The following MCC variants were observed in gnomAD, a reference collection of about 807,000 sequenced individuals.
MCC encodes colorectal mutant cancer protein.
Under a neutral mutation model 116.2 loss-of-function variants are expected in MCC, and 90 were observed. The ratio of observed to expected loss-of-function variants is 0.77; its 90% confidence interval spans 0.65 to 0.92. MCC has a LOEUF of 0.92. MCC is among the 40% of genes least tolerant of loss of function. The pLI is 0.00. For synonymous variants in MCC, 578 were observed against 510.5 expected (o/e 1.13, Z -1.78); for missense variants, 1,516 against 1,312.2 (o/e 1.16, Z -2.40).
At chr5:113,224,713 AG>A (rs1763670737) in intron 3 of MCC, among the ~76,000 whole-genome samples, 1 of 152,238 alleles carries the variant, frequency 6.6e-6, no homozygotes, top group Non-Finnish European at 1.5e-5. Flanking sequence ...GGTCAGGAAA[AG>A]GACTTTCCTG....
intron 4 of MCC, among the ~76,000 whole-genome samples, chr5:113,150,372 G>A (rs1759780570): frequency 6.6e-6 from 1 of 151,920 alleles, no homozygotes; most frequent in Non-Finnish European, 1.5e-5. Context: ...CAAAACAAGG[G>A]CAGAACATCC....
At chr5:113,069,285 T>C (rs1753856410) in intron 12 of MCC, among the ~76,000 whole-genome samples, 1 of 152,188 alleles carries the variant, frequency 6.6e-6, no homozygotes, top group Admixed American at 6.5e-5. Flanking sequence ...GAGTTTGAGT[T>C]TGGATTTCTA....
intron 3 of MCC, among the ~76,000 whole-genome samples, chr5:113,265,613 C>T (rs1481653695): frequency 6.6e-6 from 1 of 152,166 alleles, no homozygotes; most frequent in Non-Finnish European, 1.5e-5. Context: ...GAACACACCC[C>T]CTTTTCATTT....
intron 1 of MCC, among the ~76,000 whole-genome samples, chr5:113,432,083 C>T (rs1770669713): frequency 2.0e-5 from 3 of 151,938 alleles, no homozygotes; most frequent in Admixed American, 1.3e-4. Context: ...TTTTGGTGAG[C>T]CAAGATCGTG....
intron 3 of MCC, among the ~76,000 whole-genome samples, chr5:113,334,568 C>A (rs1581407421): frequency 6.9e-6 from 1 of 144,588 alleles, no homozygotes; most frequent in East Asian, 2.0e-4. Flanking sequence ...TTGGAAGTGA[C>A]AATTCAAGGT....
chr5:113,309,636 G>A (rs559536046), intron 3 of MCC, among the ~76,000 whole-genome samples: 19 of 152,116 alleles, frequency 1.2e-4, no homozygotes, highest in South Asian at 6.2e-4. Context: ...CTGTTGATGC[G>A]CACTTAGGTT....
chr5:113,043,776 A>G, intron 16 of MCC, 146 bp from the exon 17 acceptor site: 1 of 608,808 alleles, frequency 1.6e-6, no homozygotes, highest in Admixed American at 2.9e-5. Context: ...CCAAAGGGGA[A>G]AGCCTGGCAG....
chr5:113,235,350 C>G (rs999310527), intron 3 of MCC, among the ~76,000 whole-genome samples: 3 of 152,202 alleles, frequency 2.0e-5, no homozygotes, highest in Non-Finnish European at 4.4e-5. Context: ...ATCAAACACA[C>G]ATACATTCCA....
intron 3 of MCC, among the ~76,000 whole-genome samples, chr5:113,231,551 T>C (rs1763941496): frequency 6.6e-6 from 1 of 152,192 alleles, no homozygotes; most frequent in African/African-American, 2.4e-5. Context: ...CTGTCTCCCA[T>C]GTTCACTTTG....
chr5:113,257,318 A>C (rs897464248), intron 3 of MCC, among the ~76,000 whole-genome samples: 3 of 152,104 alleles, frequency 2.0e-5, no homozygotes, highest in African/African-American at 7.2e-5. Context: ...ACCTCTAGAG[A>C]GTACAAGGAA....
intron 2 of MCC, among the ~76,000 whole-genome samples, chr5:113,362,007 T>C (rs1768560931): frequency 6.6e-6 from 1 of 152,164 alleles, no homozygotes; most frequent in South Asian, 2.1e-4. Context: ...AGATGGCATA[T>C]TGTGGGGCTT....
intron 1 of MCC, among the ~76,000 whole-genome samples, chr5:113,464,620 A>C (rs1279459886): frequency 1.3e-5 from 2 of 150,036 alleles, no homozygotes; most frequent in Non-Finnish European, 3.0e-5. Flanking sequence ...GTTTTTGTTT[A>C]TTTATCTCAC....
intron 4 of MCC, among the ~76,000 whole-genome samples, chr5:113,147,276 A>G (rs1488400379): frequency 1.3e-5 from 2 of 152,190 alleles, no homozygotes; most frequent in Non-Finnish European, 2.9e-5. Flanking sequence ...CATCCCTGCT[A>G]TGGTGCAATC....
intron 2 of MCC, among the ~76,000 whole-genome samples, chr5:113,361,670 G>A (rs908233842): frequency 2.0e-5 from 3 of 152,150 alleles, no homozygotes; most frequent in Non-Finnish European, 4.4e-5. Flanking sequence ...AGAAGAGATT[G>A]GCATTTGAAT....
At chr5:113,425,442 G>A (rs942566254) in intron 1 of MCC, among the ~76,000 whole-genome samples, 3 of 152,152 alleles carry the variant, frequency 2.0e-5, no homozygotes, top group African/African-American at 7.2e-5. Context: ...TTGGGCTTGG[G>A]TGCATATAAC....
At position 113,433,833 on chromosome 5, in the gene MCC, G is replaced by C. The variant is rs36057481; in HGVS notation, c.171-48621C>G. On this transcript the variant is annotated intron_variant, in intron 1 of 18. Transcript: ENST00000408903. The stretch of plus-strand genomic sequence containing the variant: ...GAAACCCAGGATCTCCGACTGCCTG[G>C]ACATTTGCATTGCTGTCCCCTCGGG... 10,651 of 1,614,020 alleles carry C rather than the reference G, an allele frequency of 6.6e-3. 82 individuals carry two copies. Among genetic ancestry groups the C allele is most frequent in the Non-Finnish European group, 6.1e-3 (7,150 of 1,179,882 alleles).
chr5:113,101,184 C>T (rs774260815), intron 8 of MCC, among the ~76,000 whole-genome samples: 5 of 152,182 alleles, frequency 3.3e-5, no homozygotes, highest in Non-Finnish European at 5.9e-5. Flanking sequence ...CAGAGACACA[C>T]ACATAACATG....
intron 3 of MCC, among the ~76,000 whole-genome samples, chr5:113,332,251 G>A (rs1019919659): frequency 2.0e-5 from 3 of 151,352 alleles, no homozygotes; most frequent in Non-Finnish European, 2.9e-5. Context: ...TGATCATAGC[G>A]CACTGCAGCC....
chr5:113,064,965 G>A (rs530927930), intron 13 of MCC, among the ~76,000 whole-genome samples: 70 of 152,296 alleles, frequency 4.6e-4, no homozygotes, highest in African/African-American at 1.7e-3. Context: ...AATACAGCCT[G>A]GGTAACAGAG....
Sources: gnomAD v4.1 joint callset for allele counts (sites outside exome capture counted in the v4.1 genomes callset) on GRCh38, gnomAD v4.1.1 for gene constraint, MANE v1.5 for transcripts, NCBI Gene and HGNC (gene_info 2026-07-23, HGNC 2026-07-21) for gene names.